The following IDO1 variants were observed in gnomAD, a reference collection of about 807,000 sequenced individuals.
IDO1 encodes the protein indolamine 2,3 dioxygenase.
A neutral mutation model predicts 38.8 loss-of-function variants in IDO1; 35 were observed. The ratio of observed to expected loss-of-function variants is 0.90; its 90% CI spans 0.69 to 1.20. IDO1 has a LOEUF of 1.20. Ranked by LOEUF, IDO1 falls within the 50% of genes most tolerant of loss-of-function variation. The probability of loss-of-function intolerance (pLI) is 0.00; values close to 1 mark genes in which losing one functional copy is unlikely to be tolerated. For synonymous variants in IDO1, 171 were observed against 170.0 expected, an observed-to-expected ratio of 1.01 and a Z score of -0.05; for missense variants, 509 against 485.1, an observed-to-expected ratio of 1.05 and a Z score of -0.46.
chr8:39,917,723 T>C (rs1807195089), intron 1 of IDO1, among the ~76,000 whole-genome samples, 152 bp from the exon 2 acceptor site: 2 of 152,174 alleles, frequency 1.3e-5, no homozygotes, highest in South Asian at 4.1e-4. Flanking sequence ...CGTGTGCAGA[T>C]GACAAGACAG....
At chr8:39,922,249 C>T (rs1340363223) in intron 5 of IDO1, among the ~76,000 whole-genome samples, 7 of 152,180 alleles carry the variant, frequency 4.6e-5, no homozygotes, top group South Asian at 2.1e-4. Flanking sequence ...GATCCACCCG[C>T]CTTGGCCTCC....
In IDO1 at chr8:39,922,611, T is replaced by A; in HGVS notation, c.497T>A (p.Val166Asp). The A allele has an allele frequency of 6.2e-7, 1 of 1,613,572 alleles. No individual in the cohort carries two copies. Among genetic ancestry groups the A allele is most frequent in the East Asian group, 2.2e-5 (1 of 44,864 alleles). ...DGDCSKGFFL[V>D]SLLVEIAAAS... ...GACTGCAGTAAAGGATTCTTCCTGG[T>A]CTCTCTATTGGTGGAAATAGCAGCT... is the stretch of plus-strand genomic sequence containing the variant. The change falls in exon 6 of 10, where the codon GTC (valine) becomes GAC (aspartate). Residue 166 changes from valine (V) to aspartate (D), a missense_variant. By Grantham distance (152) the Val-to-Asp change is radical. Transcript: ENST00000518237.
At chr8:39,920,210 T>G (rs1807251335) in intron 5 of IDO1, 96 bp downstream of exon 5, 9 of 982,994 alleles carry the variant, frequency 9.2e-6, no homozygotes, top group South Asian at 1.5e-5. Context: ...TTTAAATGAT[T>G]AATTGAATTC....
intron 3 of IDO1, 47 bp from the exon 4 acceptor site, chr8:39,918,768 A>C (rs913380735): frequency 1.8e-5 from 8 of 452,280 alleles, no homozygotes; most frequent in Middle Eastern, 4.4e-4. Context: ...AAAAAAAAAA[A>C]ACAACAACAA....
At chr8:39,927,704 A>T (rs1807387817) in intron 9 of IDO1, 126 bp from the exon 10 acceptor site, 5 of 474,160 alleles carry the variant, frequency 1.1e-5, no homozygotes, top group Non-Finnish European at 1.8e-5. Context: ...CTTCAAATAG[A>T]ATGACCTTGA....
At chr8:39,925,875 C>T (rs753935031) in intron 9 of IDO1, among the ~76,000 whole-genome samples, 1 of 151,772 alleles carries the variant, frequency 6.6e-6, no homozygotes, top group Non-Finnish European at 1.5e-5. Context: ...AAGAGCAAAA[C>T]TCCATCTCAA....
At position 39,927,838 on chromosome 8, in the gene IDO1, G is replaced by A; in HGVS notation, c.865G>A (p.Ala289Thr). The change falls in exon 10 of 10, where the codon GCT becomes ACT. Residue 289 changes from alanine (A) to threonine (T), a missense_variant. By Grantham distance (58) the Ala-to-Thr change is moderately conservative. Transcript: ENST00000518237. The stretch of plus-strand genomic sequence containing the variant: ...TTCTCTTTTTCCTATAGGACATGCT[G>A]CTCAGTTCCTCCAGGACATGAGAAG... Reference protein sequence around the residue: ...IQQTAGGGHAAQFLQDMRRYM... With the variant: ...IQQTAGGGHATQFLQDMRRYM... 2 of 1,530,146 alleles carry A rather than the reference G, an allele frequency of 1.3e-6. No individual in the cohort carries two copies. Among genetic ancestry groups the A allele is most frequent in the Non-Finnish European group, 1.8e-6 (2 of 1,139,326 alleles). The allele number at this position is 1,530,146 out of a possible 1,614,324, so 94.8% of individuals were successfully genotyped here. A position where few individuals can be genotyped will look rare whatever the true frequency, so the allele number is the denominator to read the frequency against.
Position 39,918,124 on chromosome 8 carries a change from A to G in IDO1, c.220A>G (p.Lys74Glu). The change falls in exon 3 of 10, where the codon AAG becomes GAG. Residue 74 changes from lysine (K) to glutamate (E), a missense_variant. Coordinates refer to ENST00000518237, the MANE Select transcript of IDO1 (RefSeq NM_002164.6). ...MLSIDHLTDH[K>E]SQRLARLVLG... ...CAGCATTGATCATCTCACAGACCAC[A>G]AGTCACAGCGCCTTGCACGTCTAGT... is the stretch of plus-strand genomic sequence containing the variant. The G allele has an allele frequency of 6.2e-7, 1 of 1,613,974 alleles. No homozygotes were observed. The highest frequency in any genetic ancestry group is 8.5e-7 in the Non-Finnish European group (1 of 1,179,864).
chr8:39,925,524 T>C (rs1335526287), intron 9 of IDO1, among the ~76,000 whole-genome samples, 153 bp downstream of exon 9: 1 of 152,214 alleles, frequency 6.6e-6, no homozygotes, highest in Non-Finnish European at 1.5e-5. Context: ...CATGATCCCA[T>C]TTTAAAAATG....
chr8:39,928,152 T>C lies in IDO1; in HGVS notation c.1179T>C (p.Ser393=). ...TGAATTTCCTGAAGACTGTAAGAAG[T>C]ACAACTGAGAAATCCCTTTTGAAGG... The part of the protein sequence containing the change: ...DLMNFLKTVR[S]TTEKSLLKEG The change falls in exon 10 of 10, where the codon AGT becomes AGC. Residue 393 remains serine (S), a synonymous_variant. Coordinates refer to ENST00000518237, the MANE Select transcript of IDO1 (RefSeq NM_002164.6). 1.2e-6 allele frequency: 2 copies of C among 1,612,434 alleles called. No individual in the cohort carries two copies. Among genetic ancestry groups the C allele is most frequent in the Non-Finnish European group, 8.5e-7 (1 of 1,179,240 alleles).
chr8:39,917,844 T>A, intron 1 of IDO1, 31 bp from the exon 2 acceptor site: 2 of 1,442,822 alleles, frequency 1.4e-6, no homozygotes, highest in South Asian at 1.2e-5. Context: ...TAACTGCTAC[T>A]ACTAAATAAA....
chr8:39,923,642 T>A, intron 7 of IDO1, 56 bp downstream of exon 7: 1 of 1,022,872 alleles, frequency 9.8e-7, no homozygotes, highest in Non-Finnish European at 1.5e-6. Flanking sequence ...GTTCCAGGTG[T>A]AGAATAGTTG....
intron 3 of IDO1, 89 bp downstream of exon 3, chr8:39,918,296 A>G: frequency 2.2e-6 from 3 of 1,364,148 alleles, no homozygotes; most frequent in Non-Finnish European, 3.0e-6. Context: ...TAAAAGCATT[A>G]TAACTGCATC....
At chr8:39,918,764 A>C (rs1393422899) in intron 3 of IDO1, 51 bp from the exon 4 acceptor site, 64 of 754,970 alleles carry the variant, frequency 8.5e-5, no homozygotes, top group Middle Eastern at 5.3e-4. Context: ...AAAAAAAAAA[A>C]AAAAACAACA....
chr8:39,921,567 TCAG>T (rs562548665), intron 5 of IDO1, among the ~76,000 whole-genome samples: 242 of 152,250 alleles, frequency 1.6e-3, no homozygotes, highest in Non-Finnish European at 2.8e-3. Flanking sequence ...GAGGATGACA[TCAG>T]CAGTCAGTCT....
intron 4 of IDO1, among the ~76,000 whole-genome samples, chr8:39,919,683 A>T (rs1035541579): frequency 6.6e-6 from 1 of 152,008 alleles, no homozygotes; most frequent in African/African-American, 2.4e-5. Flanking sequence ...AGTTTTTTTA[A>T]AAAAAAATTC....
rs776294123 is a variant in IDO1 at position 39,925,253 on chromosome 8, T to C, written c.738T>C (p.Gly246=). Residue 246 remains glycine, a synonymous_variant, in exon 9 of 10, where the codon GGT becomes GGC. Transcript: ENST00000518237. ...AAGGCAACCCCCAGCTATCAGACGG[T>C]CTGGTGTATGAAGGGTTCTGGGAAG... is the stretch of plus-strand genomic sequence containing the variant. The part of the protein sequence containing the change: ...GWKGNPQLSD[G]LVYEGFWEDP... 8.7e-6 allele frequency: 14 copies of C among 1,609,126 alleles called. No homozygotes were observed. Among genetic ancestry groups the C allele is most frequent in the South Asian group, 1.1e-5 (1 of 90,252 alleles).
intron 1 of IDO1, among the ~76,000 whole-genome samples, chr8:39,916,500 T>A (rs1332160917): frequency 6.6e-6 from 1 of 152,036 alleles, no homozygotes; most frequent in Non-Finnish European, 1.5e-5. Context: ...ATAATAACAA[T>A]TCTGCTAGCT....
intron 5 of IDO1, among the ~76,000 whole-genome samples, 200 bp downstream of exon 5, chr8:39,920,314 T>G (rs1000144856): frequency 6.6e-6 from 1 of 152,240 alleles, no homozygotes; most frequent in African/African-American, 2.4e-5. Context: ...CTATCTGATA[T>G]TATAGCTATA....
Sources: gnomAD v4.1 joint callset for allele counts (sites outside exome capture counted in the v4.1 genomes callset) on GRCh38, gnomAD v4.1.1 for gene constraint, MANE v1.5 for transcripts, NCBI Gene and HGNC (gene_info 2026-07-23, HGNC 2026-07-21) for gene names.